The following FAT4 variants were observed in gnomAD, a reference collection of about 807,000 sequenced individuals.
FAT4 encodes the protein protocadherin Fat 4.
FAT4 carries 84 observed loss-of-function variants against 303.9 expected under a neutral mutation model. The ratio of observed to expected loss-of-function variants is 0.28; its 90% CI spans 0.23 to 0.33. FAT4 has a LOEUF of 0.33. Ranked by LOEUF, FAT4 falls within the 10% of genes least tolerant of loss-of-function variation. The probability of loss-of-function intolerance (pLI) is 1.00; values close to 1 mark genes in which losing one functional copy is unlikely to be tolerated. For synonymous variants in FAT4, 2,307 were observed against 2,298.8 expected, an observed-to-expected ratio of 1.00 and a Z score of -0.10; for missense variants, 6,005 against 6,146.8, an observed-to-expected ratio of 0.98 and a Z score of 0.77.
intron 2 of FAT4, chr4:125,394,052 G>A: frequency 1.3e-6 from 1 of 767,284 alleles, no homozygotes; most frequent in Non-Finnish European, 2.4e-6. Context: ...AATTGTAGCA[G>A]ATGAAACCAC....
chr4:125,466,217 G>A (rs1306980838), intron 11 of FAT4, among the ~76,000 whole-genome samples: 1 of 152,108 alleles, frequency 6.6e-6, no homozygotes, highest in Non-Finnish European at 1.5e-5. Context: ...GAATTAAGAT[G>A]CGACCTTTCT....
intron 2 of FAT4, among the ~76,000 whole-genome samples, chr4:125,349,659 C>A (rs1732146181): frequency 6.6e-6 from 1 of 151,578 alleles, no homozygotes; most frequent in South Asian, 2.1e-4. Flanking sequence ...TATATATGCC[C>A]ACTTTTAAAT....
chr4:125,393,442 T>C (rs1734047300), intron 2 of FAT4, among the ~76,000 whole-genome samples: 1 of 152,168 alleles, frequency 6.6e-6, no homozygotes, highest in African/African-American at 2.4e-5. Context: ...TATCATTAGA[T>C]CCACAAATAT....
At chr4:125,356,014 G>A (rs562202387) in intron 2 of FAT4, among the ~76,000 whole-genome samples, 1 of 152,024 alleles carries the variant, frequency 6.6e-6, no homozygotes, top group South Asian at 2.1e-4. Context: ...TGTATCACAA[G>A]TATTTTCCTC....
chr4:125,487,586 C>T lies in FAT4; in HGVS notation c.13064C>T (p.Ala4355Val). Reference protein sequence around the residue: ...ISLGGIPPNQAHRDAQTAGFD... With the variant: ...ISLGGIPPNQVHRDAQTAGFD... ...CTTGGAGGAATTCCACCCAATCAAGCACATCGAGATGCCCAAACAGGTAAA... is the reference window on the plus strand; with the variant it reads ...CTTGGAGGAATTCCACCCAATCAAGTACATCGAGATGCCCAAACAGGTAAA... The change falls in exon 17 of 18, where the codon GCA (alanine) becomes GTA (valine). Residue 4355 changes from alanine to valine, a missense_variant. Transcript: ENST00000394329. 1 of 1,609,896 alleles carries T rather than the reference C, an allele frequency of 6.2e-7. No individual in the cohort carries two copies. Among genetic ancestry groups the T allele is most frequent in the Non-Finnish European group, 8.5e-7 (1 of 1,177,832 alleles).
Position 125,434,237 on chromosome 4 carries a change from C to G in FAT4, c.7019-8C>G. ...AAACATTGAGACTTGATTTTCTTTT[C>G]TTTTTAGGATCCCCTGCCTTGACTG... On this transcript the variant is annotated splice_region_variant and splice_polypyrimidine_tract_variant and intron_variant, in intron 7 of 17. Coordinates refer to ENST00000394329, the MANE Select transcript of FAT4 (RefSeq NM_001291303.3). The G allele has an allele frequency of 6.3e-7, 1 of 1,595,000 alleles. No individual in the cohort carries two copies. The highest frequency in any genetic ancestry group is 8.5e-7 in the Non-Finnish European group (1 of 1,170,238).
intron 7 of FAT4, among the ~76,000 whole-genome samples, chr4:125,419,998 A>T (rs945291987): frequency 6.6e-6 from 1 of 152,100 alleles, no homozygotes; most frequent in Non-Finnish European, 1.5e-5. Context: ...GGAATTTTCT[A>T]TTCTACAGCG....
rs1727660765 is a variant in FAT4, at chr4:125,491,824, G to A, written c.*56G>A. Reference sequence around the variant, plus strand: ...AACAAGAAATAATACTCAAACCATTGTAAAGTTGCTGACTAGGTTGGGTCA... The same window carrying A: ...AACAAGAAATAATACTCAAACCATTATAAAGTTGCTGACTAGGTTGGGTCA... On this transcript the variant is annotated 3_prime_UTR_variant, in exon 18 of 18. Transcript: ENST00000394329. 2 of 1,488,454 alleles carry A rather than the reference G, an allele frequency of 1.3e-6. No homozygotes were observed. The highest frequency in any genetic ancestry group is 1.8e-6 in the Non-Finnish European group (2 of 1,117,278). The allele number at this position is 1,488,454 out of a possible 1,614,324, so 92.2% of individuals were successfully genotyped here. A position where few individuals can be genotyped will look rare whatever the true frequency, so the allele number is the denominator to read the frequency against.
chr4:125,352,620 T>A (rs947964504), intron 2 of FAT4, among the ~76,000 whole-genome samples: 2 of 151,782 alleles, frequency 1.3e-5, no homozygotes, highest in Non-Finnish European at 3.0e-5. Context: ...ACTTCATTTG[T>A]GTACATCACA....
intron 16 of FAT4, among the ~76,000 whole-genome samples, chr4:125,484,757 T>C (rs1350184597): frequency 1.3e-5 from 2 of 152,284 alleles, no homozygotes; most frequent in South Asian, 2.1e-4. Context: ...CTAAATACTG[T>C]AGGCAATTGT....
intron 3 of FAT4, 103 bp from the exon 4 acceptor site, chr4:125,406,777 A>C (rs1431544200): frequency 7.7e-7 from 1 of 1,305,124 alleles, no homozygotes; most frequent in Non-Finnish European, 1.1e-6. Context: ...ATATGAACTT[A>C]AAGCCAAAAA....
chr4:125,370,701 C>T (rs1437710035), intron 2 of FAT4, among the ~76,000 whole-genome samples: 1 of 152,114 alleles, frequency 6.6e-6, no homozygotes, highest in Non-Finnish European at 1.5e-5. Flanking sequence ...TAAAGTTTCA[C>T]TGGTGATATG....
intron 2 of FAT4, among the ~76,000 whole-genome samples, chr4:125,346,997 A>G (rs1443398537): frequency 2.6e-5 from 4 of 151,972 alleles, no homozygotes; most frequent in Non-Finnish European, 5.9e-5. Context: ...AATATTTAAG[A>G]TATAATTCAG....
chr4:125,379,850 T>A (rs1733473826), intron 2 of FAT4, among the ~76,000 whole-genome samples: 1 of 151,954 alleles, frequency 6.6e-6, no homozygotes, highest in African/African-American at 2.4e-5. Context: ...CATATATATG[T>A]ATACATATTT....
intron 2 of FAT4, among the ~76,000 whole-genome samples, chr4:125,352,840 A>T (rs972313): frequency 0.52 from 78,279 of 151,472 alleles, 20,336 homozygotes; most frequent in Admixed American, 0.59. Context: ...AAAATGCCAG[A>T]GTCAACTGTA....
rs1397439201 is a variant in FAT4, at chr4:125,316,199, G to GCAT, written c.-12-199_-12-197dup. Among the ~76,000 whole-genome samples the GCAT allele has an allele frequency of 2.0e-5, 3 of 152,156 alleles. No homozygotes were observed. The highest frequency in any genetic ancestry group is 4.4e-5 in the Non-Finnish European group (3 of 68,024). On this transcript the variant is annotated intron_variant, in intron 1 of 17. Coordinates refer to ENST00000394329, the MANE Select transcript of FAT4 (RefSeq NM_001291303.3). The surrounding 1 kb of genome is among the most constrained non-coding windows in gnomAD (Gnocchi z 5.7). ...GAATGCCCTGCCGCTTTTCGCCACA[G>GCAT]CATCTCTCTTGCACTCCGCGTTCAA...
chr4:125,488,014 G>A (rs550803692), intron 17 of FAT4, among the ~76,000 whole-genome samples: 1 of 152,186 alleles, frequency 6.6e-6, no homozygotes, highest in South Asian at 2.1e-4. Flanking sequence ...TCTTACACAA[G>A]TAACTGCATT....
chr4:125,414,925 A>G lies in FAT4; in HGVS notation c.5962A>G (p.Ser1988Gly), dbSNP rs541314782. 10 of 1,609,734 alleles carry G rather than the reference A, an allele frequency of 6.2e-6. No homozygotes were observed. The African/African-American group carries it at 1.2e-4, about 19-fold the overall frequency. ...QLTYSIASGD[S>G]LGQFTVDKNG... The stretch of plus-strand genomic sequence containing the variant: ...GACTTATAGCATTGCTTCAGGTGAT[A>G]GCCTTGGGCAGTTTACTGTTGACAA... The change falls in exon 6 of 18, where the codon AGC (serine) becomes GGC (glycine). Residue 1988 changes from serine (S) to glycine (G), a missense_variant. Physicochemically the swap from Ser to Gly is moderately conservative, Grantham distance 56. Transcript: ENST00000394329.
chr4:125,486,019 A>G (rs1478770404), intron 16 of FAT4, among the ~76,000 whole-genome samples: 1 of 152,156 alleles, frequency 6.6e-6, no homozygotes, highest in Admixed American at 6.6e-5. Context: ...TTATAATGGG[A>G]ACTTATATTC....
Sources: gnomAD v4.1 joint callset for allele counts (sites outside exome capture counted in the v4.1 genomes callset) on GRCh38, gnomAD v4.1.1 for gene constraint, Gnocchi (gnomAD v3.1) non-coding constraint, MANE v1.5 for transcripts, NCBI Gene and HGNC (gene_info 2026-07-23, HGNC 2026-07-21) for gene names.